The following MYH11 variants were observed in gnomAD, a reference collection of about 807,000 sequenced individuals.
The protein encoded by MYH11 is myosin-11.
MYH11 carries 80 observed loss-of-function variants against 246.6 expected under a neutral mutation model. The ratio of observed to expected loss-of-function variants is 0.32; its 90% CI spans 0.27 to 0.39. The LOEUF (loss-of-function observed/expected upper bound fraction) is 0.39, where lower values mean the gene tolerates loss of function less well. Ranked by LOEUF, MYH11 falls within the 10% of genes least tolerant of loss-of-function variation. MYH11 has a pLI of 1.00. For missense variants in MYH11, 2,158 were observed against 2,546.8 expected (o/e 0.85, Z 3.29); for synonymous variants, 1,071 against 1,015.5 (o/e 1.05, Z -1.04).
intron 10 of MYH11, among the ~76,000 whole-genome samples, chr16:15,761,031 TGTTGGTA>T (rs2041856217): frequency 1.3e-5 from 2 of 152,218 alleles, no homozygotes; most frequent in African/African-American, 4.8e-5. Context: ...TTCGGTACCT[TGTTGGTA>T]CCCAGGACTA....
intron 3 of MYH11, among the ~76,000 whole-genome samples, chr16:15,812,149 G>T (rs963556168): frequency 6.6e-6 from 1 of 152,150 alleles, no homozygotes; most frequent in South Asian, 2.1e-4. Context: ...CGGTGTCACC[G>T]ACTGACCAGC....
chr16:15,732,902 A>G, intron 26 of MYH11, 194 bp from the exon 27 acceptor site: 1 of 649,268 alleles, frequency 1.5e-6, no homozygotes, highest in South Asian at 1.8e-5. Context: ...AATGTGGAGC[A>G]TATCACCTGC....
At position 15,779,745 on chromosome 16, in the gene MYH11, T is replaced by C. The variant is rs2042303525; in HGVS notation, c.727-902A>G. Among the ~76,000 whole-genome samples, 4 of 152,302 alleles carry C rather than the reference T, an allele frequency of 2.6e-5. No individual in the cohort carries two copies. In the South Asian group the frequency reaches 8.3e-4, roughly 32 times the overall value. On this transcript the variant is annotated intron_variant, in intron 6 of 40. Transcript: ENST00000300036. Reference sequence around the variant, plus strand: ...TTCCTGGCCCTAGAGGCTCAACAAGTATCTCCAAAGATGGCCCTATCTACC... The same window carrying C: ...TTCCTGGCCCTAGAGGCTCAACAAGCATCTCCAAAGATGGCCCTATCTACC...
At chr16:15,815,084 G>A (rs546176793) in intron 3 of MYH11, among the ~76,000 whole-genome samples, 71 of 152,276 alleles carry the variant, frequency 4.7e-4, no homozygotes, top group Middle Eastern at 6.8e-3. Flanking sequence ...AAACAGAAGT[G>A]TCCTAATGGG....
chr16:15,741,228 T>C (rs1221242858), intron 22 of MYH11: 1 of 614,294 alleles, frequency 1.6e-6, no homozygotes, highest in Non-Finnish European at 2.9e-6. Flanking sequence ...TCAGGCTTGC[T>C]GTTAGGAGAA....
chr16:15,776,618 G>T (rs575548667), intron 7 of MYH11, among the ~76,000 whole-genome samples: 1 of 152,272 alleles, frequency 6.6e-6, no homozygotes, highest in East Asian at 1.9e-4. Flanking sequence ...GGAAATAAGT[G>T]CAACTATTAT....
At position 15,750,154 on chromosome 16, in the gene MYH11, G is replaced by T. The variant is rs781520642; in HGVS notation, c.2042C>A (p.Pro681His). Reference sequence around the variant, plus strand: ...GGGCCTCACCCTCTTCTCGTGGTTGGGGATGATGCAGCGCACGAAGTTGGG... The same window carrying T: ...GGGCCTCACCCTCTTCTCGTGGTTGTGGATGATGCAGCGCACGAAGTTGGG... ...TTPNFVRCIIPNHEKRSGKLD... is the reference protein window; with the variant it reads ...TTPNFVRCIIHNHEKRSGKLD... The change falls in exon 16 of 41, where the codon CCC (proline) becomes CAC (histidine). Residue 681 changes from proline (P) to histidine (H), a missense_variant. Around this residue, in one of 11 missense-constraint regions of MYH11, gnomAD observed 317 missense variants for 507.7 expected, o/e 0.62. Transcript: ENST00000300036. The surrounding 1 kb of genome is among the most constrained non-coding windows in gnomAD (Gnocchi z 4.3). 1 of 1,614,196 alleles carries T rather than the reference G, an allele frequency of 6.2e-7. No homozygotes were observed.
chr16:15,712,589 C>G (rs2039866095), intron 40 of MYH11, among the ~76,000 whole-genome samples: 1 of 152,286 alleles, frequency 6.6e-6, no homozygotes, highest in Non-Finnish European at 1.5e-5. Flanking sequence ...GAGCAAGACT[C>G]TGCCCAAAAG....
intron 3 of MYH11, among the ~76,000 whole-genome samples, chr16:15,800,172 AT>A (rs2042847128): frequency 6.6e-6 from 1 of 151,306 alleles, no homozygotes; most frequent in Non-Finnish European, 1.5e-5. Context: ...GAAGAGGTGG[AT>A]GGGCAAGTGA....
At chr16:15,730,406 G>T (rs916334413) in intron 27 of MYH11, among the ~76,000 whole-genome samples, 1 of 151,710 alleles carries the variant, frequency 6.6e-6, no homozygotes, top group African/African-American at 2.4e-5. Flanking sequence ...GCCGGGCATG[G>T]TGGTGTGTGC....
chr16:15,823,353 G>A lies in MYH11; in HGVS notation c.404C>T (p.Ser135Leu), dbSNP rs760445629. ...VNPYKHLPIYSEKIVDMYKGK... is the reference protein window; with the variant it reads ...VNPYKHLPIYLEKIVDMYKGK... ...CTTGTACATGTCGACGATCTTCTCC[G>A]AGTAGATGGGCAGGTGTTTATAGGG... Residue 135 changes from serine (S) to leucine (L), a missense_variant, in exon 3 of 41, where the codon TCG (serine) becomes TTG (leucine). Around this residue, in one of 11 missense-constraint regions of MYH11, gnomAD observed 34 missense variants for 25.6 expected, o/e 1.33. Transcript: ENST00000300036. 21 of 1,614,158 alleles carry A rather than the reference G, an allele frequency of 1.3e-5. No individual in the cohort carries two copies. The highest frequency in any genetic ancestry group is 1.6e-4 in the Middle Eastern group (1 of 6,062).
rs946989828 is a variant in MYH11 at position 15,857,023 on chromosome 16, A to C, written c.-100T>G. 2.8e-5 allele frequency: 4 copies of C among 143,520 alleles called. No homozygotes were observed. Among genetic ancestry groups the C allele is most frequent in the African/African-American group, 9.9e-5 (4 of 40,576 alleles). The allele number at this position is 143,520 out of a possible 1,614,324, so 8.9% of individuals were successfully genotyped here. The stretch of plus-strand genomic sequence containing the variant: ...CGCACCTCCCAGGCCGGAGCGTCCA[A>C]ATCTCCCTGCGCGTCCTCGGACGCC... On this transcript the variant is annotated 5_prime_UTR_variant, in exon 1 of 41. The change creates a new upstream start codon in the 5' untranslated region. Transcript: ENST00000300036.
At chr16:15,806,929 C>T (rs1339788613) in intron 3 of MYH11, among the ~76,000 whole-genome samples, 7 of 151,764 alleles carry the variant, frequency 4.6e-5, no homozygotes, top group Non-Finnish European at 1.0e-4. Flanking sequence ...AGCCAGGTAC[C>T]GAAAGCACAA....
intron 2 of MYH11, among the ~76,000 whole-genome samples, chr16:15,836,451 G>C (rs1020017668): frequency 6.6e-6 from 1 of 152,188 alleles, no homozygotes; most frequent in African/African-American, 2.4e-5. Flanking sequence ...CCAAGCTGGA[G>C]TACAATAACG....
chr16:15,803,334 T>C (rs2042932458), intron 3 of MYH11, among the ~76,000 whole-genome samples: 1 of 150,966 alleles, frequency 6.6e-6, no homozygotes, highest in South Asian at 2.1e-4. Flanking sequence ...TGGAGTGCAG[T>C]GGCTCGATCT....
chr16:15,748,075 G>A lies in MYH11; in HGVS notation c.2152C>T (p.Arg718Trp), dbSNP rs1275950124. 3 of 1,614,080 alleles carry A rather than the reference G, an allele frequency of 1.9e-6. No homozygotes were observed. The highest frequency in any genetic ancestry group is 2.5e-6 in the Non-Finnish European group (3 of 1,180,044). The change falls in exon 17 of 41, where the codon CGG (arginine) becomes TGG (tryptophan). Residue 718 changes from arginine to tryptophan, a missense_variant. Arg to Trp is a moderately radical substitution (Grantham distance 101). Transcript: ENST00000300036. ...TGGCGGAACTCCTGGAAGACGATCCGGTTGGGGAAGCCCTGCCGGCAGATG... is the reference window on the plus strand; with the variant it reads ...TGGCGGAACTCCTGGAAGACGATCCAGTTGGGGAAGCCCTGCCGGCAGATG... ...IRICRQGFPN[R>W]IVFQEFRQRY...
chr16:15,740,764 C>T (rs1397383852), intron 22 of MYH11, among the ~76,000 whole-genome samples: 1 of 152,194 alleles, frequency 6.6e-6, no homozygotes, highest in Non-Finnish European at 1.5e-5. Context: ...CCTAATTCTC[C>T]TCCCCTTGAG....
Position 15,753,426 on chromosome 16 carries a change from G to A in MYH11, c.1832C>T (p.Ser611Phe). The A allele has an allele frequency of 6.2e-7, 1 of 1,614,142 alleles. No homozygotes were observed. Among genetic ancestry groups the A allele is most frequent in the Non-Finnish European group, 8.5e-7 (1 of 1,180,032 alleles). The change falls in exon 15 of 41, where the codon TCC (serine) becomes TTC (phenylalanine). Residue 611 changes from serine to phenylalanine, a missense_variant. By Grantham distance (155) the Ser-to-Phe change is radical. Coordinates refer to ENST00000300036, the MANE Select transcript of MYH11 (RefSeq NM_002474.3). ...DNVTSLLNAS[S>F]DKFVADLWKD... The stretch of plus-strand genomic sequence containing the variant: ...CCACAGGTCGGCCACAAACTTGTCG[G>A]AGGAGGCATTGAGCAGGGAAGTCAC...
chr16:15,737,360 G>T, intron 25 of MYH11, 89 bp downstream of exon 25: 2 of 1,574,820 alleles, frequency 1.3e-6, no homozygotes, highest in South Asian at 2.2e-5. Context: ...GGGCCGCCTT[G>T]ACCAAGACAG....
Sources: allele counts gnomAD v4.1 joint callset (sites outside exome capture counted in the v4.1 genomes callset), GRCh38; gene constraint gnomAD v4.1.1; regional missense constraint gnomAD v4.1.1; non-coding constraint Gnocchi (gnomAD v3.1); transcripts MANE v1.5; gene names NCBI Gene and HGNC (gene_info 2026-07-23, HGNC 2026-07-21).